LGR4: variants seen among roughly 807,000 people sequenced by gnomAD.
LGR4 encodes the protein leucine rich repeat containing G protein-coupled receptor 4, also known as leucine-rich repeat-containing G protein-coupled receptor 4.
LGR4 carries 44 observed loss-of-function variants against 84.8 expected under a neutral mutation model. That is an observed-to-expected ratio of 0.52 (90% CI 0.41 to 0.67). The LOEUF is 0.67. Ranked by LOEUF, LGR4 falls within the 30% of genes least tolerant of loss-of-function variation. The probability of loss-of-function intolerance (pLI) is 0.00; values close to 1 mark genes in which losing one functional copy is unlikely to be tolerated. For synonymous variants in LGR4, 429 were observed against 434.3 expected (o/e 0.99, Z 0.15); for missense variants, 1,032 against 1,131.4 (o/e 0.91, Z 1.26).
chr11:27,380,261 C>A lies in LGR4; in HGVS notation c.971+10G>T, dbSNP rs1385556714. 6.3e-7 allele frequency: 1 copy of A among 1,585,630 alleles called. No homozygotes were observed. Among genetic ancestry groups the A allele is most frequent in the Non-Finnish European group, 8.6e-7 (1 of 1,158,752 alleles). The stretch of plus-strand genomic sequence containing the variant: ...CTTTATACAACCCCTCTTCAAAGGG[C>A]CTTACTTACAGACTTTCCAGGTGGA... On this transcript the variant is annotated intron_variant, in intron 10 of 17. Transcript: ENST00000379214.
chr11:27,376,190 G>T, intron 13 of LGR4, 109 bp downstream of exon 13: 1 of 707,286 alleles, frequency 1.4e-6, no homozygotes, highest in Non-Finnish European at 2.4e-6. Context: ...TGTTCAGGCT[G>T]AAATTAAAAT....
At chr11:27,429,429 G>C (rs1645015307) in intron 1 of LGR4, among the ~76,000 whole-genome samples, 1 of 151,926 alleles carries the variant, frequency 6.6e-6, no homozygotes, top group South Asian at 2.1e-4. Context: ...GTTGCAGTGG[G>C]CTGAGATCGC....
intron 4 of LGR4, among the ~76,000 whole-genome samples, chr11:27,389,768 T>A (rs2133376829): frequency 6.6e-6 from 1 of 152,292 alleles, no homozygotes; most frequent in East Asian, 1.9e-4. Context: ...TGACTTGTCC[T>A]GTGTATATCC....
Position 27,391,133 on chromosome 11 carries a change from G to C in LGR4, c.362C>G (p.Pro121Arg). The C allele has an allele frequency of 6.2e-7, 1 of 1,609,822 alleles. No homozygotes were observed. The highest frequency in any genetic ancestry group is 8.5e-7 in the Non-Finnish European group (1 of 1,177,820). ...ACTCAGCCCTCGAATGGCTTCACTGGGTACTGTTTTCAACTGATTATTCTG... is the reference window on the plus strand; with the variant it reads ...ACTCAGCCCTCGAATGGCTTCACTGCGTACTGTTTTCAACTGATTATTCTG... Reference protein sequence around the residue: ...TLQNNQLKTVPSEAIRGLSAL... With the variant: ...TLQNNQLKTVRSEAIRGLSAL... Residue 121 changes from proline (P) to arginine (R), a missense_variant, in exon 4 of 18, where the codon CCC (proline) becomes CGC (arginine). Coordinates refer to ENST00000379214, the MANE Select transcript of LGR4 (RefSeq NM_018490.5).
chr11:27,403,221 A>C (rs1484062731), intron 2 of LGR4, among the ~76,000 whole-genome samples: 1 of 152,216 alleles, frequency 6.6e-6, no homozygotes, highest in Non-Finnish European at 1.5e-5. Flanking sequence ...CTGTAGTCCC[A>C]ATACTTTGGG....
At position 27,369,035 on chromosome 11, in the gene LGR4, G is replaced by T; in HGVS notation, c.1688C>A (p.Thr563Lys). 1.9e-6 allele frequency: 3 copies of T among 1,613,856 alleles called. No homozygotes were observed. The highest frequency in any genetic ancestry group is 2.5e-6 in the Non-Finnish European group (3 of 1,179,818). ...AGGCAGTGATGTACAAGATGCAAAT[G>T]TTGTTAAAATAACAAGCAGGTTGAA... ...LFFNLLVILT[T>K]FASCTSLPSS... is the part of the protein sequence containing the mutation. Residue 563 changes from threonine to lysine, a missense_variant, in exon 18 of 18, where the codon ACA becomes AAA. Thr to Lys is a moderately conservative substitution (Grantham distance 78). Transcript: ENST00000379214.
At chr11:27,459,593 C>T (rs1215061802) in intron 1 of LGR4, among the ~76,000 whole-genome samples, 1 of 151,926 alleles carries the variant, frequency 6.6e-6, no homozygotes, top group Non-Finnish European at 1.5e-5. Context: ...TCTCCTGCCT[C>T]ATCCTCCCAA....
At chr11:27,429,919 C>T (rs1180775724) in intron 1 of LGR4, among the ~76,000 whole-genome samples, 4 of 152,094 alleles carry the variant, frequency 2.6e-5, no homozygotes, top group African/African-American at 9.7e-5. Context: ...GACTGTTCCC[C>T]CTGCAGCCCT....
At chr11:27,425,899 C>T (rs553740669) in intron 1 of LGR4, among the ~76,000 whole-genome samples, 1 of 152,314 alleles carries the variant, frequency 6.6e-6, no homozygotes, top group African/African-American at 2.4e-5. Flanking sequence ...GGATTCCCTG[C>T]TCTTCTCCCT....
At chr11:27,416,329 T>C (rs1863817858) in intron 1 of LGR4, among the ~76,000 whole-genome samples, 1 of 152,198 alleles carries the variant, frequency 6.6e-6, no homozygotes, top group African/African-American at 2.4e-5. Context: ...GGCAAATTGA[T>C]ATTTTCTCTG....
intron 1 of LGR4, among the ~76,000 whole-genome samples, chr11:27,444,719 T>C (rs1415378160): frequency 6.6e-6 from 1 of 152,210 alleles, no homozygotes; most frequent in South Asian, 2.1e-4. Context: ...CAATTTTCTT[T>C]TTGCACAACT....
intron 6 of LGR4, among the ~76,000 whole-genome samples, chr11:27,383,181 T>C (rs1458766906): frequency 1.3e-5 from 2 of 152,230 alleles, no homozygotes; most frequent in African/African-American, 4.8e-5. Context: ...TGAGAGTGTT[T>C]AAAGTTTAAT....
intron 1 of LGR4, among the ~76,000 whole-genome samples, chr11:27,426,048 A>C (rs1864020208): frequency 6.6e-6 from 1 of 152,204 alleles, no homozygotes; most frequent in African/African-American, 2.4e-5. Context: ...TTACATAGTA[A>C]TAGTAGTAAG....
intron 1 of LGR4, among the ~76,000 whole-genome samples, chr11:27,439,901 C>CTTTTT (rs1164372130): frequency 1.4e-4 from 14 of 100,724 alleles, no homozygotes; most frequent in Non-Finnish European, 2.2e-4. Flanking sequence ...TAGGATTTCT[C>CTTTTT]TTTTTTTTTT....
intron 1 of LGR4, among the ~76,000 whole-genome samples, chr11:27,446,839 G>A (rs1160556588): frequency 6.6e-6 from 1 of 152,040 alleles, no homozygotes; most frequent in Non-Finnish European, 1.5e-5. Context: ...TATACACCAT[G>A]GAATACTATG....
Position 27,472,156 on chromosome 11 carries a change from C to A in LGR4, c.147G>T (p.Thr49=). Reference sequence around the variant, plus strand: ...AGGCGCTGAGCCCCTCGGGCACGGCCGTCAGCCCCTTCCCGGAGCAGTCCA... The same window carrying A: ...AGGCGCTGAGCCCCTCGGGCACGGCAGTCAGCCCCTTCCCGGAGCAGTCCA... The part of the protein sequence containing the change: ...RRVDCSGKGL[T]AVPEGLSAFT... Residue 49 remains threonine (T), a synonymous_variant, in exon 1 of 18, where the codon ACG becomes ACT. Transcript: ENST00000379214. The A allele has an allele frequency of 7.1e-7, 1 of 1,411,090 alleles. No individual in the cohort carries two copies. Among genetic ancestry groups the A allele is most frequent in the Non-Finnish European group, 9.2e-7 (1 of 1,082,730 alleles). The allele number at this position is 1,411,090 out of a possible 1,614,324, so 87.4% of individuals were successfully genotyped here.
intron 2 of LGR4, 32 bp downstream of exon 2, chr11:27,412,757 C>T: frequency 2.4e-6 from 3 of 1,250,842 alleles, no homozygotes; most frequent in South Asian, 1.2e-5. Context: ...GGGAAAAAGA[C>T]ATACACACAC....
chr11:27,389,224 C>T (rs1016227485), intron 4 of LGR4, among the ~76,000 whole-genome samples: 2 of 152,072 alleles, frequency 1.3e-5, no homozygotes, highest in African/African-American at 2.4e-5. Flanking sequence ...TACTAACAAA[C>T]GTATGAACAT....
chr11:27,470,197 T>C (rs1565104128), intron 1 of LGR4, among the ~76,000 whole-genome samples: 1 of 152,198 alleles, frequency 6.6e-6, no homozygotes, highest in Non-Finnish European at 1.5e-5. Context: ...CAATTATTTT[T>C]CTGTTTCCTA....
Sources: gnomAD v4.1 joint callset for allele counts (sites outside exome capture counted in the v4.1 genomes callset) on GRCh38, gnomAD v4.1.1 for gene constraint, MANE v1.5 for transcripts, NCBI Gene and HGNC (gene_info 2026-07-23, HGNC 2026-07-21) for gene names.